LINGO2: variants seen among roughly 807,000 people sequenced by gnomAD.
LINGO2 encodes the protein leucine-rich repeat and immunoglobulin-like domain-containing nogo receptor-interacting protein 2.
In LINGO2, 14 loss-of-function variants were observed where a neutral mutation model predicts 30.6. That is an observed-to-expected ratio of 0.46 (90% CI 0.30 to 0.72). The LOEUF (loss-of-function observed/expected upper bound fraction) is 0.72, where lower values mean the gene tolerates loss of function less well. LINGO2 is among the 30% of genes least tolerant of loss of function. The pLI, the probability that LINGO2 is intolerant of heterozygous loss-of-function variation, is 0.07. For synonymous variants in LINGO2, 317 were observed against 288.5 expected (o/e 1.10, Z -1.00); for missense variants, 729 against 751.7 (o/e 0.97, Z 0.35).
the LINGO2 span, among the ~76,000 whole-genome samples, chr9:28,779,925 G>GTA: frequency 6.4e-4 from 98 of 151,988 alleles, no homozygotes; most frequent in Admixed American, 2.2e-3. Flanking sequence ...TGATGCACTT[G>GTA]TATATATAGA....
intron 2 of LINGO2, among the ~76,000 whole-genome samples, chr9:28,431,956 C>T (rs1341296007): frequency 1.3e-5 from 2 of 151,922 alleles, no homozygotes; most frequent in Admixed American, 6.6e-5. Context: ...TCCCTAAATA[C>T]GTAGGTGATG....
intron 4 of LINGO2, among the ~76,000 whole-genome samples, chr9:28,016,078 G>T (rs1822821324): frequency 6.6e-6 from 1 of 151,228 alleles, no homozygotes; most frequent in African/African-American, 2.4e-5. Context: ...CTTCCTTGGA[G>T]AAGTGGCATT....
intron 4 of LINGO2, among the ~76,000 whole-genome samples, chr9:28,048,453 C>T (rs1824521885): frequency 6.6e-6 from 1 of 150,608 alleles, no homozygotes; most frequent in South Asian, 2.1e-4. Context: ...CAAATGGAAC[C>T]TGAAGATACC....
the LINGO2 span, among the ~76,000 whole-genome samples, chr9:28,778,544 T>C: frequency 1.3e-5 from 2 of 152,192 alleles, no homozygotes; most frequent in African/African-American, 2.4e-5. Flanking sequence ...CCTGATGACA[T>C]ACTAGAAGTT....
rs77154230 is a variant in LINGO2 at position 28,221,092 on chromosome 9, G to C, written c.-87+74116C>G. ...AGGCGGGTGGATCACGAGGTCAGGA[G>C]ATCGAAACCATCCTCGCTAACACGG... On this transcript the variant is annotated intron_variant, in intron 4 of 5. Coordinates refer to ENST00000379992, the Ensembl canonical transcript of LINGO2. Among the ~76,000 whole-genome samples the C allele has an allele frequency of 9.8e-3, 1,493 of 152,166 alleles. 30 individuals carry two copies. The highest frequency in any genetic ancestry group is 0.034 in the African/African-American group (1,418 of 41,522).
the LINGO2 span, among the ~76,000 whole-genome samples, chr9:29,030,343 G>A: frequency 5.9e-5 from 9 of 152,082 alleles, no homozygotes; most frequent in Non-Finnish European, 8.8e-5. Context: ...AATTGTAGAC[G>A]TATAGAAAAG....
the LINGO2 span, among the ~76,000 whole-genome samples, chr9:28,757,701 A>G: frequency 6.6e-6 from 1 of 151,950 alleles, no homozygotes; most frequent in Non-Finnish European, 1.5e-5. Flanking sequence ...TTTGCTGAAC[A>G]AGGAGCCAGT....
At chr9:28,460,020 G>C (rs7858668) in intron 2 of LINGO2, among the ~76,000 whole-genome samples, 108,462 of 151,980 alleles carry the variant, frequency 0.71, 38,982 homozygotes, top group East Asian at 0.83. Context: ...ATTTATTCTT[G>C]TGTGTCTGAT....
chr9:28,241,922 T>A (rs1821815017), intron 4 of LINGO2, among the ~76,000 whole-genome samples: 1 of 151,504 alleles, frequency 6.6e-6, no homozygotes, highest in African/African-American at 2.4e-5. Flanking sequence ...AAAGCCAACA[T>A]AACAGCATCA....
the LINGO2 span, among the ~76,000 whole-genome samples, chr9:28,732,522 G>A: frequency 6.6e-6 from 1 of 151,952 alleles, no homozygotes; most frequent in Non-Finnish European, 1.5e-5. Flanking sequence ...TAAAATTGAT[G>A]ATAAACTGAA....
chr9:28,925,166 A>T, the LINGO2 span, among the ~76,000 whole-genome samples: 1 of 152,344 alleles, frequency 6.6e-6, no homozygotes, highest in South Asian at 2.1e-4. Flanking sequence ...TTAAAAAATA[A>T]AATTTAAACG....
At chr9:28,632,306 A>G (rs1485610310) in intron 1 of LINGO2, among the ~76,000 whole-genome samples, 1 of 152,074 alleles carries the variant, frequency 6.6e-6, no homozygotes, top group Non-Finnish European at 1.5e-5. Flanking sequence ...CTTTATGACC[A>G]CACACAAACA....
chr9:28,506,483 C>G (rs377743639), intron 1 of LINGO2, among the ~76,000 whole-genome samples: 823 of 23,878 alleles, frequency 0.034, 68 homozygotes, highest in African/African-American at 0.09. Flanking sequence ...CACACACATA[C>G]ACATACACAC....
chr9:28,863,751 C>T, the LINGO2 span: 2 of 428,310 alleles, frequency 4.7e-6, no homozygotes, highest in East Asian at 6.0e-5. Flanking sequence ...AAAAACAGTA[C>T]CCTTTGGCCA....
chr9:28,469,488 G>C (rs1187162141), intron 2 of LINGO2, among the ~76,000 whole-genome samples: 1 of 152,008 alleles, frequency 6.6e-6, no homozygotes, highest in African/African-American at 2.4e-5. Flanking sequence ...ATTCCAAGTA[G>C]AATAAAGAGA....
At chr9:28,027,133 C>T (rs868338264) in intron 4 of LINGO2, among the ~76,000 whole-genome samples, 3 of 152,192 alleles carry the variant, frequency 2.0e-5, no homozygotes, top group South Asian at 2.1e-4. Flanking sequence ...TATATTTTGC[C>T]TCTTGTATAA....
chr9:28,986,229 T>C, the LINGO2 span, among the ~76,000 whole-genome samples: 6 of 152,210 alleles, frequency 3.9e-5, no homozygotes, highest in Admixed American at 6.5e-5. Flanking sequence ...TGTGTGTGTG[T>C]TTAATTAATT....
the LINGO2 span, among the ~76,000 whole-genome samples, chr9:28,972,106 A>G: frequency 1.3e-5 from 2 of 152,236 alleles, no homozygotes; most frequent in African/African-American, 4.8e-5. Context: ...GGTGCCCCCT[A>G]AAGCAAAAAC....
the LINGO2 span, among the ~76,000 whole-genome samples, chr9:28,961,739 C>T: frequency 1.3e-5 from 2 of 152,178 alleles, no homozygotes; most frequent in Non-Finnish European, 2.9e-5. Context: ...AAATCATCCA[C>T]TGAACCTCAA....
Sources: gnomAD v4.1 joint callset for allele counts (sites outside exome capture counted in the v4.1 genomes callset) on GRCh38, gnomAD v4.1.1 for gene constraint, MANE v1.5 for transcripts, NCBI Gene and HGNC (gene_info 2026-07-23, HGNC 2026-07-21) for gene names.